The following ANO7 variants were observed in gnomAD, a reference collection of about 807,000 sequenced individuals.
The protein encoded by ANO7 is anoctamin 7, also known as anoctamin-7.
ANO7 carries 114 observed loss-of-function variants against 115.8 expected under a neutral mutation model. The observed-to-expected ratio is 0.98, with a 90% CI of 0.85 to 1.15. The LOEUF (loss-of-function observed/expected upper bound fraction) is 1.15. Ranked by LOEUF, ANO7 falls within the 50% of genes most tolerant of loss-of-function variation. The pLI is 0.00. For missense variants in ANO7, 1,302 were observed against 1,201.2 expected (o/e 1.08, Z -1.24); for synonymous variants, 550 against 498.2 (o/e 1.10, Z -1.38).
Position 241,209,271 on chromosome 2 carries a change from G to A in ANO7, c.1078-14G>A, listed in dbSNP as rs767883650. 12 of 1,546,480 alleles carry A rather than the reference G, an allele frequency of 7.8e-6. No homozygotes were observed. The highest frequency in any genetic ancestry group is 3.9e-5 in the Admixed American group (2 of 51,016). ...GTCCCAAGCAAGTCTGGACGCCCCCGCTCCCTGCCACAGGCCGGCCGGCTG... is the reference window on the plus strand; with the variant it reads ...GTCCCAAGCAAGTCTGGACGCCCCCACTCCCTGCCACAGGCCGGCCGGCTG... On this transcript the variant is annotated splice_polypyrimidine_tract_variant and intron_variant, in intron 11 of 24. Transcript: ENST00000674324.
Position 241,204,861 on chromosome 2 carries a change from A to T in ANO7, c.890-4A>T, listed in dbSNP as rs1228165721. On this transcript the variant is annotated splice_polypyrimidine_tract_variant and splice_region_variant and intron_variant, in intron 9 of 24. Transcript: ENST00000674324. ...ATGGTGGACCCCTGCCATCCTCTCT[A>T]CAGGGTTTTACACAGGCTGGCTCCT... 1 of 1,612,810 alleles carries T rather than the reference A, an allele frequency of 6.2e-7. No individual in the cohort carries two copies. The highest frequency in any genetic ancestry group is 1.1e-5 in the South Asian group (1 of 91,020).
At chr2:241,205,143 G>A (rs1387486136) in intron 10 of ANO7, among the ~76,000 whole-genome samples, 188 bp downstream of exon 10, 1 of 151,446 alleles carries the variant, frequency 6.6e-6, no homozygotes, top group African/African-American at 2.4e-5. Flanking sequence ...TGAAAGGCTG[G>A]CAGGTGGACA....
chr2:241,208,287 C>G (rs910550486), intron 11 of ANO7, among the ~76,000 whole-genome samples: 3 of 152,344 alleles, frequency 2.0e-5, no homozygotes, highest in African/African-American at 4.8e-5. Flanking sequence ...CTCACAGGCC[C>G]GGGGCCAGAG....
rs1355237072 is a variant in ANO7, at chr2:241,203,939, A to C, written c.889+441A>C. Among the ~76,000 whole-genome samples the C allele has an allele frequency of 6.6e-6, 1 of 151,110 alleles. No homozygotes were observed. The highest frequency in any genetic ancestry group is 1.5e-5 in the Non-Finnish European group (1 of 67,760). On this transcript the variant is annotated intron_variant, in intron 9 of 24. Coordinates refer to ENST00000674324, the MANE Select transcript of ANO7 (RefSeq NM_001370694.2). This position sits in a 1 kb window ranked among gnomAD's most constrained non-coding sequence, Gnocchi z 4.8. ...CCTGGGTCCTGGCTGCCCTCACCCC[A>C]CTCAGCTCTTGGCACCCTCCCTTCC... is the stretch of plus-strand genomic sequence containing the variant.
chr2:241,193,976 A>C (rs2068260909), intron 3 of ANO7, among the ~76,000 whole-genome samples: 1 of 152,238 alleles, frequency 6.6e-6, no homozygotes, highest in South Asian at 2.1e-4. Context: ...TCCCAGGTTC[A>C]AGTGATCTCT....
intron 9 of ANO7, among the ~76,000 whole-genome samples, chr2:241,204,124 G>A (rs930438881): frequency 1.3e-5 from 2 of 152,206 alleles, no homozygotes; most frequent in African/African-American, 2.4e-5. Flanking sequence ...GCACAGCATC[G>A]GGGCAGAGGG....
At chr2:241,239,795 A>G in the ANO7 span, 1 of 1,613,956 alleles carries the variant, frequency 6.2e-7, no homozygotes, top group Non-Finnish European at 8.5e-7. This position sits in a 1 kb window ranked among gnomAD's most constrained non-coding sequence, Gnocchi z 4.6. Flanking sequence ...GGGGTCCACC[A>G]GCATGGAGTC....
chr2:241,224,253 C>T lies in ANO7; in HGVS notation c.*100C>T, dbSNP rs922455869. 2.4e-5 allele frequency: 33 copies of T among 1,354,234 alleles called. No individual in the cohort carries two copies. The highest frequency in any genetic ancestry group is 4.3e-5 in the African/African-American group (3 of 69,454). 83.9% of individuals were successfully genotyped at this position (1,354,234 alleles called of 1,614,324 possible). A position where few individuals can be genotyped will look rare whatever the true frequency, so the allele number is the denominator to read the frequency against. On this transcript the variant is annotated 3_prime_UTR_variant, in exon 25 of 25. Transcript: ENST00000674324. ...TCCCTCAGGCAGCGGCTGTGTGAACCGCTGGCTGCTGTTGTGCCTCATCTC... is the reference window on the plus strand; with the variant it reads ...TCCCTCAGGCAGCGGCTGTGTGAACTGCTGGCTGCTGTTGTGCCTCATCTC...
intron 5 of ANO7, 114 bp downstream of exon 5, chr2:241,199,537 GCTC>G (rs1385934077): frequency 3.8e-6 from 4 of 1,045,406 alleles, no homozygotes; most frequent in African/African-American, 1.6e-5. Flanking sequence ...GGCCTCAGGG[GCTC>G]CTCCTACCCA....
chr2:241,204,638 G>A (rs1049407918), intron 9 of ANO7, among the ~76,000 whole-genome samples: 6 of 152,064 alleles, frequency 3.9e-5, no homozygotes, highest in Non-Finnish European at 8.8e-5. Flanking sequence ...CTGGTGTTGG[G>A]GTCAATGTGG....
In ANO7 at chr2:241,209,345, G is replaced by A; in HGVS notation, c.1138G>A (p.Ala380Thr). ...CTTCAGCTTGTTCATGGCACTGTGG[G>A]CCGTGCTGCTGCTGGAGTACTGGAA... Reference protein sequence around the residue: ...VFFSLFMALWAVLLLEYWKRK... With the variant: ...VFFSLFMALWTVLLLEYWKRK... Residue 380 changes from alanine to threonine, a missense_variant, in exon 12 of 25, where the codon GCC (alanine) becomes ACC (threonine). Physicochemically the swap from Ala to Thr is moderately conservative, Grantham distance 58. Transcript: ENST00000674324. 6.3e-7 allele frequency: 1 copy of A among 1,577,716 alleles called. No individual in the cohort carries two copies. Among genetic ancestry groups the A allele is most frequent in the Non-Finnish European group, 8.6e-7 (1 of 1,162,272 alleles).
In ANO7 at chr2:241,224,311, C is replaced by T. The variant is rs1208959202; in HGVS notation, c.*158C>T. 1 of 791,948 alleles carries T rather than the reference C, an allele frequency of 1.3e-6. No homozygotes were observed. The highest frequency in any genetic ancestry group is 1.8e-5 in the South Asian group (1 of 55,998). The allele number at this position is 791,948 out of a possible 1,614,324, so 49.1% of individuals were successfully genotyped here. A position where few individuals can be genotyped will look rare whatever the true frequency, so the allele number is the denominator to read the frequency against. On this transcript the variant is annotated 3_prime_UTR_variant, in exon 25 of 25. Coordinates refer to ENST00000674324, the MANE Select transcript of ANO7 (RefSeq NM_001370694.2). ...ATTGCCTGCTTCCCCCCAGCGCCGG[C>T]TTCTCTCCTCAGAGCGCCTGTCACT... is the stretch of plus-strand genomic sequence containing the variant.
intron 5 of ANO7, 108 bp from the exon 6 acceptor site, chr2:241,199,981 A>G: frequency 3.8e-6 from 5 of 1,330,290 alleles, no homozygotes; most frequent in Non-Finnish European, 5.2e-6. Flanking sequence ...CCTCTGCTGG[A>G]GCCCCTTCGC....
At chr2:241,227,349 G>A (rs1011166197), downstream of ANO7, 2 of 152,540 alleles carry the variant, frequency 1.3e-5, no homozygotes, top group African/African-American at 2.4e-5. Flanking sequence ...ATATTCATGA[G>A]CCTTTACACA....
the ANO7 span, chr2:241,238,557 G>A: frequency 1.9e-6 from 2 of 1,040,182 alleles, no homozygotes; most frequent in Admixed American, 2.7e-5. This position sits in a 1 kb window ranked among gnomAD's most constrained non-coding sequence, Gnocchi z 4.9. Flanking sequence ...AGCAGAGACA[G>A]GAAAGAGCCT....
rs2149172704 is a variant in ANO7 at position 241,203,434 on chromosome 2, C to T, written c.825C>T (p.Tyr275=). The change falls in exon 9 of 25, where the codon TAC becomes TAT. Residue 275 remains tyrosine, a synonymous_variant. Transcript: ENST00000674324. This position sits in a 1 kb window ranked among gnomAD's most constrained non-coding sequence, Gnocchi z 4.8. The stretch of plus-strand genomic sequence containing the variant: ...CGCGCTGGGGCAAGTGGAACAAGTA[C>T]CAGCCCCTGGACCACGTGCGCAGGT... The part of the protein sequence containing the change: ...HWARWGKWNK[Y]QPLDHVRRYF... 1 of 1,594,224 alleles carries T rather than the reference C, an allele frequency of 6.3e-7. No homozygotes were observed. The highest frequency in any genetic ancestry group is 1.1e-5 in the South Asian group (1 of 88,296).
At chr2:241,218,713 G>GC (rs2068932482) in intron 21 of ANO7, among the ~76,000 whole-genome samples, 2 of 152,228 alleles carry the variant, frequency 1.3e-5, no homozygotes. Context: ...GGGGGCGTCG[G>GC]CAGACTCGTG....
In ANO7 at chr2:241,204,858, T is replaced by C. The variant is rs766312178; in HGVS notation, c.890-7T>C. ...CTGATGGTGGACCCCTGCCATCCTC[T>C]CTACAGGGTTTTACACAGGCTGGCT... is the stretch of plus-strand genomic sequence containing the variant. On this transcript the variant is annotated splice_polypyrimidine_tract_variant and splice_region_variant and intron_variant, in intron 9 of 24. Transcript: ENST00000674324. 2.5e-6 allele frequency: 4 copies of C among 1,612,502 alleles called. No homozygotes were observed. Among genetic ancestry groups the C allele is most frequent in the Non-Finnish European group, 3.4e-6 (4 of 1,178,886 alleles).
chr2:241,240,010 A>C, the ANO7 span: 1 of 1,614,196 alleles, frequency 6.2e-7, no homozygotes, highest in Non-Finnish European at 8.5e-7. This position sits in a 1 kb window ranked among gnomAD's most constrained non-coding sequence, Gnocchi z 5.5. Context: ...AGGGAAGATG[A>C]CACGTGCTCC....
Sources: allele counts gnomAD v4.1 joint callset (sites outside exome capture counted in the v4.1 genomes callset), GRCh38; gene constraint gnomAD v4.1.1; non-coding constraint Gnocchi (gnomAD v3.1); transcripts MANE v1.5; gene names NCBI Gene and HGNC (gene_info 2026-07-23, HGNC 2026-07-21).